GALNT13: variants seen among roughly 807,000 people sequenced by gnomAD.
The protein encoded by GALNT13 is polypeptide N-acetylgalactosaminyltransferase 13.
Under a neutral mutation model 64.2 loss-of-function variants are expected in GALNT13, and 28 were observed. That is an observed-to-expected ratio of 0.44 (90% CI 0.32 to 0.60). The LOEUF (loss-of-function observed/expected upper bound fraction) is 0.60, where lower values mean the gene tolerates loss of function less well. Among genes scored for constraint, GALNT13 ranks in the 20% least tolerant of loss-of-function variants. The pLI is 0.05. For synonymous variants in GALNT13, 214 were observed against 224.6 expected (o/e 0.95, Z 0.42); for missense variants, 577 against 669.8 (o/e 0.86, Z 1.53).
At chr2:153,702,364 G>A in the GALNT13 span, among the ~76,000 whole-genome samples, 1 of 151,990 alleles carries the variant, frequency 6.6e-6, no homozygotes, top group Non-Finnish European at 1.5e-5. Context: ...GGCAAGGGGA[G>A]GGAACCAAGA....
chr2:153,507,860 G>A, the GALNT13 span, among the ~76,000 whole-genome samples: 1 of 152,190 alleles, frequency 6.6e-6, no homozygotes. Flanking sequence ...CCCACATGGT[G>A]TTCCCTTGAT....
the GALNT13 span, among the ~76,000 whole-genome samples, chr2:153,575,516 G>T: frequency 1.3e-5 from 2 of 152,182 alleles, no homozygotes; most frequent in African/African-American, 2.4e-5. Context: ...TCAGGGGCTA[G>T]AGTCAAAAAA....
intron 4 of GALNT13, among the ~76,000 whole-genome samples, chr2:154,238,927 A>G (rs1689335865): frequency 1.3e-5 from 2 of 152,066 alleles, no homozygotes; most frequent in African/African-American, 4.8e-5. Context: ...CATGCTGTGC[A>G]TTAGATCTCC....
At chr2:154,020,482 G>C (rs1276136501) in intron 3 of GALNT13, among the ~76,000 whole-genome samples, 1 of 152,040 alleles carries the variant, frequency 6.6e-6, no homozygotes, top group Non-Finnish European at 1.5e-5. Flanking sequence ...GTGTTTTTTG[G>C]CTGCATAAAT....
the GALNT13 span, among the ~76,000 whole-genome samples, chr2:153,359,021 C>G: frequency 2.0e-5 from 3 of 152,138 alleles, no homozygotes; most frequent in African/African-American, 7.2e-5. Context: ...GCTAATTTCA[C>G]TGAAGATTGT....
chr2:154,261,818 C>A (rs1292256858), intron 8 of GALNT13, among the ~76,000 whole-genome samples: 1 of 151,956 alleles, frequency 6.6e-6, no homozygotes, highest in Non-Finnish European at 1.5e-5. Flanking sequence ...AACATAAACT[C>A]AACTGTAAAA....
chr2:154,425,900 T>G (rs1454791060), intron 11 of GALNT13, among the ~76,000 whole-genome samples: 1 of 152,210 alleles, frequency 6.6e-6, no homozygotes, highest in Non-Finnish European at 1.5e-5. Context: ...TCTCACATGG[T>G]GAGAACAATT....
chr2:154,313,437 T>C (rs1410625907), intron 9 of GALNT13, among the ~76,000 whole-genome samples: 1 of 137,526 alleles, frequency 7.3e-6, no homozygotes, highest in African/African-American at 2.7e-5. Context: ...TATATATATA[T>C]ACACACACAC....
chr2:154,435,618 G>T (rs150811594), intron 11 of GALNT13, among the ~76,000 whole-genome samples: 1 of 152,140 alleles, frequency 6.6e-6, no homozygotes, highest in African/African-American at 2.4e-5. Flanking sequence ...TCTCTCTCGG[G>T]ACTTGTGTAG....
At chr2:153,304,171 T>TTTTTTTTTTTTTTTTTTTTGA in the GALNT13 span, among the ~76,000 whole-genome samples, 1 of 148,830 alleles carries the variant, frequency 6.7e-6, no homozygotes, top group African/African-American at 2.5e-5. Flanking sequence ...GTTCTGTTTT[T>TTTTTTTTTTTTTTTTTTTTGA]GAGTCCAGAC....
chr2:153,686,514 T>C, the GALNT13 span, among the ~76,000 whole-genome samples: 1 of 152,086 alleles, frequency 6.6e-6, no homozygotes, highest in African/African-American at 2.4e-5. Context: ...TTGCTGAAGT[T>C]GTTTATCAGC....
intron 3 of GALNT13, among the ~76,000 whole-genome samples, chr2:154,092,770 G>A (rs779814046): frequency 6.6e-6 from 1 of 151,978 alleles, no homozygotes; most frequent in Non-Finnish European, 1.5e-5. Context: ...GAAGGAGCAC[G>A]TTATTTGCAA....
chr2:153,089,913 C>T, the GALNT13 span, among the ~76,000 whole-genome samples: 1 of 152,070 alleles, frequency 6.6e-6, no homozygotes, highest in Non-Finnish European at 1.5e-5. Flanking sequence ...TAATAACCAA[C>T]CTTCTGAATT....
At chr2:153,405,127 A>C in the GALNT13 span, among the ~76,000 whole-genome samples, 1 of 152,196 alleles carries the variant, frequency 6.6e-6, no homozygotes, top group Admixed American at 6.5e-5. Context: ...AGGGACTAGA[A>C]ACTCAACCTT....
At chr2:153,357,341 A>C in the GALNT13 span, 1 of 152,306 alleles carries the variant, frequency 6.6e-6, no homozygotes, top group South Asian at 2.1e-4. Context: ...TGAATACTGA[A>C]GGTGTTTATT....
chr2:153,573,052 A>G, the GALNT13 span, among the ~76,000 whole-genome samples: 2 of 152,058 alleles, frequency 1.3e-5, no homozygotes, highest in South Asian at 4.1e-4. Flanking sequence ...GAAGACTCCA[A>G]CTATTATTGT....
In GALNT13 at chr2:154,056,244, C is replaced by T. The variant is rs1203495072; in HGVS notation, c.143-84093C>T. On this transcript the variant is annotated intron_variant, in intron 3 of 12. Coordinates refer to ENST00000392825, the MANE Select transcript of GALNT13 (RefSeq NM_052917.4). ...TAAGTCTGTTGAGTTTGTCATTCTC[C>T]AGATATGCCCTCAGTTTATTTTTAA... 2.0e-5 allele frequency among the ~76,000 whole-genome samples: 3 copies of T among 152,028 alleles called. No homozygotes were observed. The South Asian group carries it at 6.2e-4, about 32-fold the overall frequency.
At chr2:153,113,043 A>G in the GALNT13 span, among the ~76,000 whole-genome samples, 1 of 152,152 alleles carries the variant, frequency 6.6e-6, no homozygotes, top group Non-Finnish European at 1.5e-5. Context: ...AAAGGAAGAG[A>G]GATGTTTGAC....
the GALNT13 span, chr2:153,371,028 T>C: frequency 4.2e-5 from 9 of 215,000 alleles, no homozygotes; most frequent in African/African-American, 1.8e-4. Context: ...CTCCTGACTA[T>C]GATGCTTTGG....
Sources: gnomAD v4.1 joint callset for allele counts (sites outside exome capture counted in the v4.1 genomes callset) on GRCh38, gnomAD v4.1.1 for gene constraint, MANE v1.5 for transcripts, NCBI Gene and HGNC (gene_info 2026-07-23, HGNC 2026-07-21) for gene names.